The following EXOC7 variants were observed in gnomAD, a reference collection of about 807,000 sequenced individuals.
EXOC7 encodes the protein exocyst complex component 7.
A neutral mutation model predicts 87.6 loss-of-function variants in EXOC7; 51 were observed. The ratio of observed to expected loss-of-function variants is 0.58; its 90% CI spans 0.46 to 0.73. The LOEUF (loss-of-function observed/expected upper bound fraction) is 0.73, where lower values mean the gene tolerates loss of function less well. Ranked by LOEUF, EXOC7 falls within the 30% of genes least tolerant of loss-of-function variation. The probability of loss-of-function intolerance (pLI) is 0.00; values close to 1 mark genes in which losing one functional copy is unlikely to be tolerated. For missense variants in EXOC7, 744 were observed against 888.4 expected (o/e 0.84, Z 2.07); for synonymous variants, 327 against 357.1 (o/e 0.92, Z 0.95).
intron 12 of EXOC7, 145 bp from the exon 13 acceptor site, chr17:76,086,290 G>C: frequency 4.9e-6 from 4 of 809,494 alleles, no homozygotes; most frequent in South Asian, 4.5e-5. Context: ...TAAGCCACAG[G>C]GTGGCCCCTG....
Position 76,101,278 on chromosome 17 carries a change from T to G in EXOC7, c.410A>C (p.Asn137Thr). ...ATTCTGCGGACCCCTTACCACTTTG[T>G]TGAGTTCCGGGCTGTCTGGGCTGTT... is the stretch of plus-strand genomic sequence containing the variant. ...QDNSPDSPEL[N>T]KVKLLFERGK... Residue 137 changes from asparagine to threonine, a missense_variant, in exon 4 of 19, where the codon AAC becomes ACC. By Grantham distance (65) the Asn-to-Thr change is moderately conservative. This residue lies in a region of EXOC7 where 512 missense variants were observed against 573.0 expected (regional missense o/e 0.89). Transcript: ENST00000589210. 6.2e-7 allele frequency: 1 copy of G among 1,614,054 alleles called. No individual in the cohort carries two copies. Among genetic ancestry groups the G allele is most frequent in the Middle Eastern group, 1.6e-4 (1 of 6,062 alleles).
At position 76,095,109 on chromosome 17, in the gene EXOC7, A is replaced by T. The variant is rs7212071; in HGVS notation, c.641-528T>A. Among the ~76,000 whole-genome samples the T allele has an allele frequency of 4.5e-4, 68 of 151,812 alleles. 1 individual carries two copies. Among genetic ancestry groups the T allele is most frequent in the Middle Eastern group, 6.8e-3 (2 of 294 alleles). ...TTGAATAGCTGGGATTACAGGCATG[A>T]GCCACTACCACCCAGCTAATTTTTG... On this transcript the variant is annotated intron_variant, in intron 5 of 18. Coordinates refer to ENST00000589210, the MANE Select transcript of EXOC7 (RefSeq NM_001013839.4).
In EXOC7 at chr17:76,081,961, G is replaced by T; in HGVS notation, c.*1687C>A. 1 of 1,612,874 alleles carries T rather than the reference G, an allele frequency of 6.2e-7. No homozygotes were observed. The highest frequency in any genetic ancestry group is 1.7e-5 in the Admixed American group (1 of 59,914). ...TGCTGCTGGCTGGGCTGCTGGCCCG[G>T]GGCAACCTTGGGGCCAAGAGCGGCC... On this transcript the variant is annotated 3_prime_UTR_variant, in exon 19 of 19. Transcript: ENST00000589210.
At chr17:76,096,819 G>A (rs1292827479) in intron 5 of EXOC7, among the ~76,000 whole-genome samples, 2 of 152,122 alleles carry the variant, frequency 1.3e-5, no homozygotes, top group African/African-American at 4.8e-5. Flanking sequence ...GCCCCCCAAA[G>A]TGCTGGGATT....
chr17:76,098,972 C>A (rs1567986934), intron 4 of EXOC7, among the ~76,000 whole-genome samples: 1 of 151,494 alleles, frequency 6.6e-6, no homozygotes. Flanking sequence ...ATAAATTGAA[C>A]AATATCAAGT....
intron 7 of EXOC7, 173 bp from the exon 8 acceptor site, chr17:76,089,493 G>A (rs994688733): frequency 2.0e-5 from 15 of 751,644 alleles, no homozygotes; most frequent in Admixed American, 1.9e-4. Context: ...CGCCAGGTTC[G>A]AGGGGAATAA....
intron 6 of EXOC7, chr17:76,093,706 T>C (rs1166438414): frequency 6.6e-6 from 1 of 152,324 alleles, no homozygotes; most frequent in Non-Finnish European, 1.5e-5. Flanking sequence ...TGGCCAGACA[T>C]AGCCGGGCTT....
intron 10 of EXOC7, 124 bp downstream of exon 10, chr17:76,088,340 A>G: frequency 9.6e-7 from 1 of 1,041,338 alleles, no homozygotes; most frequent in Non-Finnish European, 1.4e-6. Flanking sequence ...CTGACAGGCC[A>G]GTGGCGCAGC....
chr17:76,088,031 T>C (rs1263496160), intron 11 of EXOC7, 29 bp downstream of exon 11: 1 of 1,613,196 alleles, frequency 6.2e-7, no homozygotes, highest in South Asian at 1.1e-5. Flanking sequence ...CTTCCTCCCC[T>C]CTCCCTGGTG....
intron 7 of EXOC7, chr17:76,090,636 C>T (rs1437577481): frequency 3.9e-5 from 27 of 689,788 alleles, no homozygotes; most frequent in Middle Eastern, 8.2e-4. Flanking sequence ...CTCATTTCCC[C>T]GAGCCTGGAG....
intron 5 of EXOC7, among the ~76,000 whole-genome samples, chr17:76,096,284 C>G (rs965867337): frequency 6.6e-6 from 1 of 152,048 alleles, no homozygotes; most frequent in Non-Finnish European, 1.5e-5. Context: ...GAGGCCGAGG[C>G]AGGTGGATCA....
chr17:76,087,658 G>C lies in EXOC7; in HGVS notation c.1425C>G (p.Ser475=). Residue 475 remains serine, a synonymous_variant, in exon 12 of 19, where the codon TCC becomes TCG. Transcript: ENST00000589210. ...FQETAGAMLA[S]QETSSSATSY... ...CCAACTGGGAGGTACCAGTACCTTG[G>C]GAGGCCAGCATGGCGCCTGCCGTCT... 12 of 1,551,196 alleles carry C rather than the reference G, an allele frequency of 7.7e-6. No individual in the cohort carries two copies. The highest frequency in any genetic ancestry group is 1.0e-5 in the Non-Finnish European group (12 of 1,146,982).
In EXOC7 at chr17:76,099,491, G is replaced by A. The variant is rs564684175; in HGVS notation, c.418-1473C>T. Among the ~76,000 whole-genome samples, 18 of 152,194 alleles carry A rather than the reference G, an allele frequency of 1.2e-4. No homozygotes were observed. The South Asian group carries it at 3.1e-3, about 26-fold the overall frequency. ...CATTGTACTCCAGCCCGGGCAACAA[G>A]AGCATAACTCCGTCTCAAAAAACAA... On this transcript the variant is annotated intron_variant, in intron 4 of 18. Coordinates refer to ENST00000589210, the MANE Select transcript of EXOC7 (RefSeq NM_001013839.4).
At chr17:76,090,206 G>A (rs577033345) in intron 7 of EXOC7, 18 of 1,090,810 alleles carry the variant, frequency 1.7e-5, no homozygotes, top group Middle Eastern at 2.5e-4. Flanking sequence ...AGAGAGAGGC[G>A]CATAGGCCTG....
At chr17:76,089,537 T>C (rs1430682359) in intron 7 of EXOC7, 5 of 594,124 alleles carry the variant, frequency 8.4e-6, no homozygotes, top group Non-Finnish European at 6.0e-6. Flanking sequence ...TCTGGCTTCA[T>C]TCTCGGCTCT....
chr17:76,087,184 A>G (rs1260855137), intron 12 of EXOC7: 4 of 430,186 alleles, frequency 9.3e-6, no homozygotes, highest in Non-Finnish European at 1.7e-5. Flanking sequence ...AGTGCTTGGA[A>G]TGACCCAGAA....
intron 15 of EXOC7, 69 bp downstream of exon 15, chr17:76,085,245 G>A: frequency 7.9e-7 from 1 of 1,264,596 alleles, no homozygotes; most frequent in East Asian, 2.5e-5. Flanking sequence ...GTGTCCTGAG[G>A]TGCTGAGAAG....
Position 76,089,331 on chromosome 17 carries a change from G to A in EXOC7, c.902-11C>T, listed in dbSNP as rs1423050216. ...GCATGTCATCTCTCCCTGGGGGATG[G>A]CACAACTCTTGAGCTGCTGGTCTGG... On this transcript the variant is annotated splice_polypyrimidine_tract_variant and intron_variant, in intron 7 of 18. Transcript: ENST00000589210. 2 of 1,613,304 alleles carry A rather than the reference G, an allele frequency of 1.2e-6. No homozygotes were observed. The highest frequency in any genetic ancestry group is 2.7e-5 in the African/African-American group (2 of 74,892).
At position 76,088,871 on chromosome 17, in the gene EXOC7, C is replaced by T; in HGVS notation, c.1100G>A (p.Arg367Gln). Residue 367 changes from arginine (R) to glutamine (Q), a missense_variant, in exon 9 of 19, where the codon CGG becomes CAG. Arg to Gln is a conservative substitution (Grantham distance 43). Coordinates refer to ENST00000589210, the MANE Select transcript of EXOC7 (RefSeq NM_001013839.4). Reference protein sequence around the residue: ...LEGENIVSAARKAIVRHDFST... With the variant: ...LEGENIVSAAQKAIVRHDFST... Reference sequence around the variant, plus strand: ...GAAGTCGTGTCGCACAATGGCCTTCCGGGCAGCAGACACGATGTTCTCCCC... The same window carrying T: ...GAAGTCGTGTCGCACAATGGCCTTCTGGGCAGCAGACACGATGTTCTCCCC... 6 of 1,613,800 alleles carry T rather than the reference C, an allele frequency of 3.7e-6. No individual in the cohort carries two copies. Among genetic ancestry groups the T allele is most frequent in the Non-Finnish European group, 5.1e-6 (6 of 1,180,016 alleles).
Sources: gnomAD v4.1 joint callset for allele counts (sites outside exome capture counted in the v4.1 genomes callset) on GRCh38, gnomAD v4.1.1 for gene constraint, gnomAD v4.1.1 regional missense constraint, MANE v1.5 for transcripts, NCBI Gene and HGNC (gene_info 2026-07-23, HGNC 2026-07-21) for gene names.